Variants in FAR2 observed in about 807,000 individuals in gnomAD.
FAR2 encodes the protein epididymis secretory protein Li 81.
In FAR2, 19 loss-of-function variants were observed where a neutral mutation model predicts 56.0. That is an observed-to-expected ratio of 0.34 (90% CI 0.24 to 0.50). The LOEUF is 0.50. Among genes scored for constraint, FAR2 ranks in the 20% least tolerant of loss-of-function variants. The pLI is 0.98. For missense variants in FAR2, 508 were observed against 642.2 expected (o/e 0.79, Z 2.26); for synonymous variants, 219 against 218.8 (o/e 1.00, Z -0.01).
chr12:29,282,620 A>G (rs1202362586), intron 2 of FAR2, among the ~76,000 whole-genome samples: 25 of 152,202 alleles, frequency 1.6e-4, no homozygotes, highest in Non-Finnish European at 7.3e-5. Flanking sequence ...TTTTTAAAAC[A>G]TAGTAACCAA....
intron 1 of FAR2, among the ~76,000 whole-genome samples, chr12:29,206,072 T>C (rs145475537): frequency 3.9e-5 from 6 of 152,346 alleles, no homozygotes; most frequent in African/African-American, 1.4e-4. Flanking sequence ...CTGGGAAGCA[T>C]ATTCAGCCAG....
chr12:29,289,513 A>G (rs889459016), intron 2 of FAR2, among the ~76,000 whole-genome samples: 10 of 152,234 alleles, frequency 6.6e-5, no homozygotes, highest in Admixed American at 5.9e-4. Flanking sequence ...CTAGACCTCT[A>G]TCTCTCTCCA....
At chr12:29,250,460 C>T (rs1948190716) in intron 1 of FAR2, among the ~76,000 whole-genome samples, 1 of 152,146 alleles carries the variant, frequency 6.6e-6, no homozygotes, top group African/African-American at 2.4e-5. Context: ...AGTAATAGAT[C>T]AGATTGAATG....
chr12:29,256,370 TAG>T (rs1948316296), intron 1 of FAR2, among the ~76,000 whole-genome samples: 1 of 152,120 alleles, frequency 6.6e-6, no homozygotes, highest in Admixed American at 6.5e-5. Context: ...TCATTTTTAG[TAG>T]AGACGGGGTC....
In FAR2 at chr12:29,308,715, C is replaced by CATATATATAT. The variant is rs1416754268; in HGVS notation, c.724-470_724-469insTATATATATA. 1.8e-3 allele frequency among the ~76,000 whole-genome samples: 234 copies of CATATATATAT among 129,558 alleles called. 8 individuals are homozygous for CATATATATAT. The highest frequency in any genetic ancestry group is 7.0e-3 in the African/African-American group (222 of 31,742). The allele number at this position is 129,558 out of a possible 152,430, so 85.0% of individuals were successfully genotyped here. On this transcript the variant is annotated intron_variant, in intron 5 of 11. Coordinates refer to ENST00000536681, the MANE Select transcript of FAR2 (RefSeq NM_001271783.2). ...ACACACACACACACACACACACACA[C>CATATATATAT]ACACATATATATATATATGTATATA...
intron 1 of FAR2, among the ~76,000 whole-genome samples, chr12:29,197,525 A>C (rs1337711539): frequency 6.6e-6 from 1 of 152,214 alleles, no homozygotes; most frequent in Admixed American, 6.5e-5. Flanking sequence ...GTTGATGAGT[A>C]AACTGAGGCT....
intron 9 of FAR2, 81 bp downstream of exon 9, chr12:29,317,093 C>T (rs7976636): frequency 6.7e-5 from 96 of 1,422,406 alleles, no homozygotes; most frequent in Non-Finnish European, 7.8e-5. Context: ...TTCCTTCAGC[C>T]GAGGATTAAA....
chr12:29,240,298 C>A (rs1948006831), intron 1 of FAR2, among the ~76,000 whole-genome samples: 1 of 152,168 alleles, frequency 6.6e-6, no homozygotes, highest in Non-Finnish European at 1.5e-5. Flanking sequence ...GGATTCCTGG[C>A]CAATTTGTAG....
intron 1 of FAR2, among the ~76,000 whole-genome samples, chr12:29,192,641 A>C (rs1295829489): frequency 2.6e-5 from 4 of 152,240 alleles, no homozygotes; most frequent in African/African-American, 9.6e-5. Flanking sequence ...TACAGCAAAT[A>C]ATATTTGTTA....
At chr12:29,150,266 C>G (rs934730814) in intron 1 of FAR2, among the ~76,000 whole-genome samples, 6 of 152,190 alleles carry the variant, frequency 3.9e-5, no homozygotes, top group Non-Finnish European at 7.4e-5. Flanking sequence ...CACCTGCCAG[C>G]GGTGGCACCA....
At chr12:29,203,347 G>A (rs545885407) in intron 1 of FAR2, among the ~76,000 whole-genome samples, 16 of 152,296 alleles carry the variant, frequency 1.1e-4, no homozygotes, top group African/African-American at 3.9e-4. Flanking sequence ...GCAGGAAAGC[G>A]ATTTATGCTG....
At chr12:29,194,998 C>T (rs1332803493) in intron 1 of FAR2, among the ~76,000 whole-genome samples, 2 of 152,194 alleles carry the variant, frequency 1.3e-5, no homozygotes, top group East Asian at 1.9e-4. Context: ...AGTGGCATCT[C>T]TGTCTCACAA....
At chr12:29,261,842 G>A (rs2136693857) in intron 1 of FAR2, among the ~76,000 whole-genome samples, 1 of 152,322 alleles carries the variant, frequency 6.6e-6, no homozygotes, top group African/African-American at 2.4e-5. Context: ...AAGCACAAAG[G>A]AGAAATAAAG....
chr12:29,291,837 T>C lies in FAR2; in HGVS notation c.190-1463T>C, dbSNP rs1948973284. ...TTCCTGACAGGGCAAGTCCTATTAT[T>C]AAGCAAGGCTAATGTAGTAAAATGG... On this transcript the variant is annotated intron_variant, in intron 2 of 11. Coordinates refer to ENST00000536681, the MANE Select transcript of FAR2 (RefSeq NM_001271783.2). Among the ~76,000 whole-genome samples, 4 of 152,234 alleles carry C rather than the reference T, an allele frequency of 2.6e-5. No individual in the cohort carries two copies. In the South Asian group the frequency reaches 6.2e-4, roughly 24 times the overall value.
intron 4 of FAR2, among the ~76,000 whole-genome samples, chr12:29,304,049 T>C (rs1457334579): frequency 6.6e-6 from 1 of 152,188 alleles, no homozygotes; most frequent in Non-Finnish European, 1.5e-5. Flanking sequence ...AAAGTTTAAG[T>C]TGACCTTGAA....
chr12:29,270,392 T>C lies in FAR2; in HGVS notation c.-38-20T>C, dbSNP rs1948594924. The C allele has an allele frequency of 6.9e-7, 1 of 1,453,204 alleles. No individual in the cohort carries two copies. The highest frequency in any genetic ancestry group is 9.2e-7 in the Non-Finnish European group (1 of 1,083,898). 90.0% of individuals were successfully genotyped at this position (1,453,204 alleles called of 1,614,324 possible). A position where few individuals can be genotyped will look rare whatever the true frequency, so the allele number is the denominator to read the frequency against. The stretch of plus-strand genomic sequence containing the variant: ...GAACTTCTGAAGATGTAATCTTTTG[T>C]TATTTCTCTTCCTTTTCAGGAACCT... On this transcript the variant is annotated intron_variant, in intron 1 of 11. Coordinates refer to ENST00000536681, the MANE Select transcript of FAR2 (RefSeq NM_001271783.2).
chr12:29,299,213 C>CAAAAAAAAAAAAAAAAAAAA (rs71042981), intron 4 of FAR2, among the ~76,000 whole-genome samples: 12 of 103,548 alleles, frequency 1.2e-4, no homozygotes, highest in East Asian at 5.2e-4. Flanking sequence ...AACTTTGTCT[C>CAAAAAAAAAAAAAAAAAAAA]AAAAAAAAAA....
At chr12:29,155,029 T>C (rs1949715577) in intron 1 of FAR2, among the ~76,000 whole-genome samples, 1 of 152,246 alleles carries the variant, frequency 6.6e-6, no homozygotes, top group Non-Finnish European at 1.5e-5. Flanking sequence ...TAATAGGCAT[T>C]AAGTTGATGA....
intron 8 of FAR2, among the ~76,000 whole-genome samples, chr12:29,313,915 ATTTC>A (rs1242613327): frequency 7.1e-6 from 1 of 140,074 alleles, no homozygotes. Context: ...TTCTTTGATT[ATTTC>A]TTTCTTCTCT....
Sources: gnomAD v4.1 joint callset for allele counts (sites outside exome capture counted in the v4.1 genomes callset) on GRCh38, gnomAD v4.1.1 for gene constraint, MANE v1.5 for transcripts, NCBI Gene and HGNC (gene_info 2026-07-23, HGNC 2026-07-21) for gene names.